Variants in GALNT14 observed in about 807,000 individuals in gnomAD.
The protein encoded by GALNT14 is polypeptide N-acetylgalactosaminyltransferase 14.
In GALNT14, 60 loss-of-function variants were observed where a neutral mutation model predicts 77.5. That is an observed-to-expected ratio of 0.77 (90% CI 0.63 to 0.96). GALNT14 has a LOEUF of 0.96. Ranked by LOEUF, GALNT14 falls within the 40% of genes least tolerant of loss-of-function variation. The pLI is 0.00. For synonymous variants in GALNT14, 280 were observed against 281.7 expected, an observed-to-expected ratio of 0.99 and a Z score of 0.06; for missense variants, 710 against 731.0, an observed-to-expected ratio of 0.97 and a Z score of 0.33.
At chr2:31,108,063 C>A (rs1677645172) in intron 1 of GALNT14, among the ~76,000 whole-genome samples, 1 of 152,152 alleles carries the variant, frequency 6.6e-6, no homozygotes, top group Non-Finnish European at 1.5e-5. Context: ...TGGCTGGCTG[C>A]AAAAGTAGCA....
intron 1 of GALNT14, among the ~76,000 whole-genome samples, chr2:31,028,732 GGATTTATTTGTCACTGGGAGCAGAAGAC>G (rs1442330974): frequency 6.6e-6 from 1 of 152,162 alleles, no homozygotes; most frequent in African/African-American, 2.4e-5. Flanking sequence ...ATCAGCCCAG[GGATTTATTTGTCACTGGGAGCAGAAGAC>G]ACTAGGATGT....
chr2:31,055,801 C>T (rs1674173457), intron 1 of GALNT14, among the ~76,000 whole-genome samples: 1 of 152,180 alleles, frequency 6.6e-6, no homozygotes. Flanking sequence ...CTTTATTTCT[C>T]TTATGAAAAG....
chr2:30,903,001 G>A, the GALNT14 span, among the ~76,000 whole-genome samples: 1 of 152,142 alleles, frequency 6.6e-6, no homozygotes, highest in Non-Finnish European at 1.5e-5. Context: ...TCTATAGATG[G>A]CTTGATTTAC....
At chr2:31,078,855 A>AGGAGAGCAGG in intron 1 of GALNT14, 1 of 1,212,316 alleles carries the variant, frequency 8.2e-7, no homozygotes, top group Non-Finnish European at 1.1e-6. Flanking sequence ...ACCCAGGCAC[A>AGGAGAGCAGG]GGAGAGCAGG....
rs1337957422 is a variant in GALNT14, at chr2:30,955,778, C to T, written c.533-39G>A. ...CAAATGACGAAGTGGGTGCCACTGT[C>T]ACTCCATTGTCCAGCGAGACCAGGG... On this transcript the variant is annotated intron_variant, in intron 5 of 14. Coordinates refer to ENST00000349752, the MANE Select transcript of GALNT14 (RefSeq NM_024572.4). 3 of 1,612,716 alleles carry T rather than the reference C, an allele frequency of 1.9e-6. No individual in the cohort carries two copies. The East Asian group carries it at 6.7e-5, about 36-fold the overall frequency.
intron 1 of GALNT14, among the ~76,000 whole-genome samples, chr2:31,131,557 A>C (rs973118723): frequency 2.0e-5 from 3 of 152,198 alleles, no homozygotes; most frequent in Non-Finnish European, 4.4e-5. Flanking sequence ...ACAAAACTGC[A>C]AACATTAGAA....
At chr2:30,952,927 T>C (rs921354608) in intron 6 of GALNT14, among the ~76,000 whole-genome samples, 1 of 152,082 alleles carries the variant, frequency 6.6e-6, no homozygotes, top group Non-Finnish European at 1.5e-5. Context: ...AGTCCCTGAG[T>C]TTGAAATCCA....
chr2:31,060,902 C>G (rs1387910329), intron 1 of GALNT14, among the ~76,000 whole-genome samples: 7 of 152,228 alleles, frequency 4.6e-5, no homozygotes, highest in Admixed American at 4.6e-4. Flanking sequence ...TCTATGGCCA[C>G]AGGACTGACG....
intron 1 of GALNT14, among the ~76,000 whole-genome samples, chr2:31,092,136 C>T (rs1274687204): frequency 1.3e-5 from 2 of 152,088 alleles, no homozygotes; most frequent in Non-Finnish European, 1.5e-5. Context: ...AAGCTTGCAC[C>T]GTTGGCTTCC....
At chr2:31,000,740 A>G (rs1427947604) in intron 1 of GALNT14, among the ~76,000 whole-genome samples, 3 of 152,182 alleles carry the variant, frequency 2.0e-5, no homozygotes, top group East Asian at 1.9e-4. Flanking sequence ...AAGTCTGCCA[A>G]TGTAAATGTT....
intron 1 of GALNT14, among the ~76,000 whole-genome samples, chr2:31,105,027 A>G (rs1373398072): frequency 6.6e-6 from 1 of 152,208 alleles, no homozygotes; most frequent in Non-Finnish European, 1.5e-5. Context: ...CAATTACCAC[A>G]GTTACGGTGA....
chr2:30,897,683 T>A, the GALNT14 span, among the ~76,000 whole-genome samples: 1 of 152,256 alleles, frequency 6.6e-6, no homozygotes, highest in East Asian at 1.9e-4. Flanking sequence ...GCGTAGCTTC[T>A]CCACAGGGCT....
At chr2:30,991,599 G>A (rs1321680327) in intron 2 of GALNT14, among the ~76,000 whole-genome samples, 2 of 152,092 alleles carry the variant, frequency 1.3e-5, no homozygotes, top group African/African-American at 4.8e-5. Context: ...TCCCTCGAGG[G>A]GAGAGTTAAA....
At chr2:30,917,885 C>T (rs935795863) in intron 13 of GALNT14, among the ~76,000 whole-genome samples, 1 of 152,228 alleles carries the variant, frequency 6.6e-6, no homozygotes, top group African/African-American at 2.4e-5. Flanking sequence ...TGAGACATAG[C>T]CTTGAAGCTC....
At chr2:31,070,626 G>A (rs111658368) in intron 1 of GALNT14, among the ~76,000 whole-genome samples, 1 of 152,198 alleles carries the variant, frequency 6.6e-6, no homozygotes. Context: ...AACAAACAAG[G>A]GCAATGCTGT....
At chr2:30,950,710 A>T (rs1666977176) in intron 6 of GALNT14, among the ~76,000 whole-genome samples, 1 of 152,212 alleles carries the variant, frequency 6.6e-6, no homozygotes, top group Non-Finnish European at 1.5e-5. Context: ...CTCTTTGCTA[A>T]CCTCTTTGCT....
chr2:30,945,889 G>C lies in GALNT14; in HGVS notation c.655-19C>G, dbSNP rs200006895. On this transcript the variant is annotated intron_variant, in intron 6 of 14. Transcript: ENST00000349752. ...TGTAGTCCTGTAAGACAACAGACCCGCACTTAGCTTATGGAGAGGAGCCCA... is the reference window on the plus strand; with the variant it reads ...TGTAGTCCTGTAAGACAACAGACCCCCACTTAGCTTATGGAGAGGAGCCCA... 4,306 of 1,608,966 alleles carry C rather than the reference G, an allele frequency of 2.7e-3. 15 individuals are homozygous for C. The highest frequency in any genetic ancestry group is 3.1e-3 in the Middle Eastern group (19 of 6,044).
At chr2:30,950,069 T>G (rs1228041329) in intron 6 of GALNT14, among the ~76,000 whole-genome samples, 4 of 152,148 alleles carry the variant, frequency 2.6e-5, no homozygotes, top group African/African-American at 9.7e-5. Flanking sequence ...GAAAGACAAA[T>G]TATTATTTGC....
the GALNT14 span, among the ~76,000 whole-genome samples, chr2:30,889,753 C>A: frequency 6.6e-6 from 1 of 152,188 alleles, no homozygotes; most frequent in Non-Finnish European, 1.5e-5. Flanking sequence ...CCTAGATTTT[C>A]ATGTATTGTA....
Sources: gnomAD v4.1 joint callset for allele counts (sites outside exome capture counted in the v4.1 genomes callset) on GRCh38, gnomAD v4.1.1 for gene constraint, MANE v1.5 for transcripts, NCBI Gene and HGNC (gene_info 2026-07-23, HGNC 2026-07-21) for gene names.